The following KRT15 variants were observed in gnomAD, a reference collection of about 807,000 sequenced individuals.
KRT15 encodes keratin 15.
Under a neutral mutation model 46.6 loss-of-function variants are expected in KRT15, and 45 were observed. The observed-to-expected ratio is 0.97, with a 90% CI of 0.76 to 1.24. The LOEUF is 1.24. KRT15 is among the 50% of genes most tolerant of loss of function. The pLI, the probability that KRT15 is intolerant of heterozygous loss-of-function variation, is 0.00. For missense variants in KRT15, 592 were observed against 588.9 expected (o/e 1.01, Z -0.05); for synonymous variants, 221 against 233.8 (o/e 0.95, Z 0.50).
intron 3 of KRT15, 127 bp from the exon 4 acceptor site, chr17:41,516,392 A>C: frequency 9.5e-7 from 1 of 1,051,414 alleles, no homozygotes; most frequent in African/African-American, 1.6e-5. Context: ...TTGCACATGA[A>C]GAGGTTTGGT....
rs1905251707 is a variant in KRT15, at chr17:41,514,136, G to A, written c.1274-16C>T. On this transcript the variant is annotated splice_polypyrimidine_tract_variant and intron_variant, in intron 7 of 7. Transcript: ENST00000254043. ...CCTGAAGAGGCTAGAGAGAGAAGGA[G>A]TAGGCTTTAGAGTGGGGGAACCTCC... is the stretch of plus-strand genomic sequence containing the variant. The A allele has an allele frequency of 6.2e-7, 1 of 1,604,962 alleles. No individual in the cohort carries two copies. The highest frequency in any genetic ancestry group is 1.1e-5 in the South Asian group (1 of 90,900).
In KRT15 at chr17:41,518,418, A is replaced by G. The variant is rs1284096520; in HGVS notation, c.410T>C (p.Ile137Thr). The change falls in exon 1 of 8, where the codon ATC becomes ACC. Residue 137 changes from isoleucine to threonine, a missense_variant. Physicochemically the swap from Ile to Thr is moderately conservative, Grantham distance 89. Transcript: ENST00000254043. ...EEANADLEVK[I>T]HDWYQKQTPT... ...GGTCTGCTTCTGGTACCAGTCATGGATCTTCACCTCCAGGTCAGCATTGGC... is the reference window on the plus strand; with the variant it reads ...GGTCTGCTTCTGGTACCAGTCATGGGTCTTCACCTCCAGGTCAGCATTGGC... 1.9e-6 allele frequency: 3 copies of G among 1,613,894 alleles called. No individual in the cohort carries two copies.
In KRT15 at chr17:41,515,933, T is replaced by C. The variant is rs755136685; in HGVS notation, c.978A>G (p.Arg326=). ...CGATCTCCAGCTCCTGCATCGTGCGTCTCAGGTCTGTGATCTCCGTCTTGC... is the reference window on the plus strand; with the variant it reads ...CGATCTCCAGCTCCTGCATCGTGCGCCTCAGGTCTGTGATCTCCGTCTTGC... The part of the protein sequence containing the change: ...QTSKTEITDL[R]RTMQELEIEL... The change falls in exon 5 of 8, where the codon AGA becomes AGG. Residue 326 remains arginine (R), a synonymous_variant. Coordinates refer to ENST00000254043, the MANE Select transcript of KRT15 (RefSeq NM_002275.4). 3 of 1,614,158 alleles carry C rather than the reference T, an allele frequency of 1.9e-6. No homozygotes were observed. The highest frequency in any genetic ancestry group is 1.7e-6 in the Non-Finnish European group (2 of 1,180,018).
rs768785185 is a variant in KRT15 at position 41,518,540 on chromosome 17, G to A, written c.288C>T (p.Gly96=). The stretch of plus-strand genomic sequence containing the variant: ...CATTGCCAGAGAGGAGACCACCATC[G>A]CCACCACCAAAGCCACCACCAAAAC... ...GGGFGGGFGG[G]DGGLLSGNEK... The change falls in exon 1 of 8, where the codon GGC becomes GGT. Residue 96 remains glycine (G), a synonymous_variant. Transcript: ENST00000254043. The A allele has an allele frequency of 1.5e-5, 25 of 1,613,490 alleles. No individual in the cohort carries two copies. The East Asian group carries it at 2.7e-4, about 17-fold the overall frequency.
chr17:41,514,598 C>T, intron 7 of KRT15, 51 bp downstream of exon 7: 1 of 1,566,548 alleles, frequency 6.4e-7, no homozygotes, highest in Non-Finnish European at 8.8e-7. Flanking sequence ...GGGGTGGTGG[C>T]TTCAACATCT....
intron 7 of KRT15, 78 bp from the exon 8 acceptor site, chr17:41,514,198 C>T: frequency 9.1e-7 from 1 of 1,098,226 alleles, no homozygotes; most frequent in Non-Finnish European, 1.4e-6. Context: ...TGGCGGGGCT[C>T]TGGGAAAACT....
intron 1 of KRT15, 67 bp downstream of exon 1, chr17:41,518,263 C>G: frequency 6.6e-7 from 1 of 1,510,390 alleles, no homozygotes; most frequent in Non-Finnish European, 8.9e-7. Context: ...AGCAGTAACA[C>G]TGACATTAGA....
At chr17:41,514,742 G>GTAGA (rs1457808574) in intron 6 of KRT15, 68 bp from the exon 7 acceptor site, 2 of 1,533,904 alleles carry the variant, frequency 1.3e-6, no homozygotes, top group African/African-American at 2.7e-5. Flanking sequence ...GGAAGCTCAT[G>GTAGA]TAGATAGCTA....
chr17:41,518,634 C>G lies in KRT15; in HGVS notation c.194G>C (p.Arg65Thr). The change falls in exon 1 of 8, where the codon AGG becomes ACG. Residue 65 changes from arginine to threonine, a missense_variant. Arg to Thr is a moderately conservative substitution (Grantham distance 71). Transcript: ENST00000254043. The stretch of plus-strand genomic sequence containing the variant: ...AGCCCCTCCACCAAAGCCACAGACC[C>G]TCATGCCACCCCCATATCCTCCTCC... The part of the protein sequence containing the change: ...GSGGGYGGGM[R>T]VCGFGGGAGS... 6.2e-7 allele frequency: 1 copy of G among 1,613,628 alleles called. No homozygotes were observed.
chr17:41,514,765 C>T lies in KRT15; in HGVS notation c.1248-91G>A. On this transcript the variant is annotated intron_variant, in intron 6 of 7. Transcript: ENST00000254043. ...ATGTAGATAGCTATGCAGTGTTCTT[C>T]AGACCCTACACCACCACCACCCACA... The T allele has an allele frequency of 5.2e-6, 7 of 1,356,614 alleles. No homozygotes were observed. In the South Asian group the frequency reaches 8.6e-5, roughly 17 times the overall value. The allele number at this position is 1,356,614 out of a possible 1,614,324, so 84.0% of individuals were successfully genotyped here.
chr17:41,517,168 G>A lies in KRT15; in HGVS notation c.499-3C>T. 6.2e-7 allele frequency: 1 copy of A among 1,613,626 alleles called. No individual in the cohort carries two copies. ...TTGTCGATGGTGGTGGCCATGATCT[G>A]CAGGAGACAGAGTCGGTGTCTAGAG... On this transcript the variant is annotated splice_region_variant and splice_polypyrimidine_tract_variant and intron_variant, in intron 1 of 7. Transcript: ENST00000254043.
rs1905337290 is a variant in KRT15 at position 41,515,894 on chromosome 17, C to T, written c.1017G>A (p.Gln339=). The change falls in exon 5 of 8, where the codon CAG becomes CAA. Residue 339 remains glutamine (Q), a synonymous_variant. Transcript: ENST00000254043. The part of the protein sequence containing the change: ...MQELEIELQS[Q]LSMKAGLENS... ...GCGCGAGTGGCCGTACCATGCTGAG[C>T]TGGGACTGCAGCTCGATCTCCAGCT... 1.9e-6 allele frequency: 3 copies of T among 1,614,042 alleles called. No individual in the cohort carries two copies. Among genetic ancestry groups the T allele is most frequent in the Middle Eastern group, 1.6e-4 (1 of 6,062 alleles).
chr17:41,514,130 G>C lies in KRT15; in HGVS notation c.1274-10C>G. 1 of 1,608,932 alleles carries C rather than the reference G, an allele frequency of 6.2e-7. No individual in the cohort carries two copies. The highest frequency in any genetic ancestry group is 1.1e-5 in the South Asian group (1 of 91,004). On this transcript the variant is annotated splice_polypyrimidine_tract_variant and intron_variant, in intron 7 of 7. Coordinates refer to ENST00000254043, the MANE Select transcript of KRT15 (RefSeq NM_002275.4). Reference sequence around the variant, plus strand: ...CCACCTCCTGAAGAGGCTAGAGAGAGAAGGAGTAGGCTTTAGAGTGGGGGA... The same window carrying C: ...CCACCTCCTGAAGAGGCTAGAGAGACAAGGAGTAGGCTTTAGAGTGGGGGA...
intron 4 of KRT15, 32 bp downstream of exon 4, chr17:41,516,072 G>C (rs535730601): frequency 6.2e-7 from 1 of 1,614,040 alleles, no homozygotes; most frequent in Non-Finnish European, 8.5e-7. Flanking sequence ...GGGACCTGGG[G>C]CAGGAAGGGC....
At chr17:41,514,605 A>C (rs1229499094) in intron 7 of KRT15, 44 bp downstream of exon 7, 1 of 1,592,656 alleles carries the variant, frequency 6.3e-7, no homozygotes, top group South Asian at 1.1e-5. Context: ...TGGCTTCAAC[A>C]TCTCCCCTCC....
At chr17:41,515,781 G>A in intron 5 of KRT15, 89 bp from the exon 6 acceptor site, 1 of 1,599,830 alleles carries the variant, frequency 6.3e-7, no homozygotes, top group Non-Finnish European at 8.5e-7. Flanking sequence ...GGAGTTCAGG[G>A]AACCACCTCT....
rs1248233005 is a variant in KRT15, at chr17:41,517,147, C to T, written c.517G>A (p.Asp173Asn). 4.3e-6 allele frequency: 7 copies of T among 1,613,984 alleles called. No individual in the cohort carries two copies. In the East Asian group the frequency reaches 1.1e-4, roughly 26 times the overall value. ...LRDKIMATTI[D>N]NSRVILEIDN... ...ATCTCCAGGATGACCCGGGAGTTGT[C>T]GATGGTGGTGGCCATGATCTGCAGG... Residue 173 changes from aspartate (D) to asparagine (N), a missense_variant, in exon 2 of 8, where the codon GAC becomes AAC. By Grantham distance (23) the Asp-to-Asn change is conservative. Transcript: ENST00000254043.
rs541608098 is a variant in KRT15, at chr17:41,513,905, C to G, written c.*118G>C. Reference sequence around the variant, plus strand: ...CCCTGAAATAAAAGACCGAGGGACCCTTTTCAGCTCTCTGAAGGCAGGGAC... The same window carrying G: ...CCCTGAAATAAAAGACCGAGGGACCGTTTTCAGCTCTCTGAAGGCAGGGAC... On this transcript the variant is annotated 3_prime_UTR_variant, in exon 8 of 8. Transcript: ENST00000254043. 1.3e-6 allele frequency: 1 copy of G among 792,280 alleles called. No homozygotes were observed. The highest frequency in any genetic ancestry group is 1.7e-5 in the African/African-American group (1 of 59,088). 49.1% of individuals were successfully genotyped at this position (792,280 alleles called of 1,614,324 possible).
intron 6 of KRT15, chr17:41,514,877 T>C (rs1905281865): frequency 7.5e-6 from 4 of 535,810 alleles, no homozygotes; most frequent in Non-Finnish European, 6.6e-6. Context: ...TGTTTTGTTT[T>C]GTTTTTTGAG....
Sources: gnomAD v4.1 joint callset for allele counts on GRCh38, gnomAD v4.1.1 for gene constraint, MANE v1.5 for transcripts, NCBI Gene and HGNC (gene_info 2026-07-23, HGNC 2026-07-21) for gene names.